Variants in MAP3K3 observed in about 807,000 individuals in gnomAD.
MAP3K3 encodes MAP/ERK kinase kinase 3.
Under a neutral mutation model 80.9 loss-of-function variants are expected in MAP3K3, and 12 were observed. That is an observed-to-expected ratio of 0.15 (90% CI 0.10 to 0.24). The LOEUF (loss-of-function observed/expected upper bound fraction) is 0.24, where lower values mean the gene tolerates loss of function less well. Ranked by LOEUF, MAP3K3 falls within the 10% of genes least tolerant of loss-of-function variation. The pLI, the probability that MAP3K3 is intolerant of heterozygous loss-of-function variation, is 1.00. For missense variants in MAP3K3, 596 were observed against 834.7 expected, an observed-to-expected ratio of 0.71 and a Z score of 3.52; for synonymous variants, 272 against 307.1, an observed-to-expected ratio of 0.89 and a Z score of 1.19.
chr17:63,649,923 G>GCTTCTTC (rs1474310404), intron 3 of MAP3K3, among the ~76,000 whole-genome samples: 4 of 152,068 alleles, frequency 2.6e-5, no homozygotes, highest in African/African-American at 9.7e-5. Context: ...GTGGCTTATT[G>GCTTCTTC]CTTCTTCCTC....
intron 2 of MAP3K3, among the ~76,000 whole-genome samples, chr17:63,638,275 G>T (rs904280858): frequency 6.6e-6 from 1 of 151,966 alleles, no homozygotes; most frequent in Non-Finnish European, 1.5e-5. Flanking sequence ...AATAAGGACT[G>T]CAATTCCAGA....
chr17:63,660,565 ATTC>A lies in MAP3K3; in HGVS notation c.381+2682_381+2684del, dbSNP rs113456141. Among the ~76,000 whole-genome samples the A allele has an allele frequency of 8.5e-3, 1,230 of 144,282 alleles. 17 individuals are homozygous for A. Among genetic ancestry groups the A allele is most frequent in the African/African-American group, 0.027 (1,050 of 38,926 alleles). The allele number at this position is 144,282 out of a possible 152,430, so 94.7% of individuals were successfully genotyped here. On this transcript the variant is annotated intron_variant, in intron 5 of 15. Transcript: ENST00000361733. ...TGTGCTATCTCTTTCTTCTCTTTGG[ATTC>A]TTCTTCTTCTTCTTCTTCTTCTTTT...
rs938773839 is a variant in MAP3K3 at position 63,647,234 on chromosome 17, C to T, written c.167+1160C>T. 2.0e-5 allele frequency among the ~76,000 whole-genome samples: 3 copies of T among 152,298 alleles called. No individual in the cohort carries two copies. The South Asian group carries it at 6.2e-4, about 32-fold the overall frequency. ...TCTGCAGAGCCAGGGTCCTTCTGCT[C>T]CTATGTGAGTTCCAGGCCTGGAGGG... is the stretch of plus-strand genomic sequence containing the variant. On this transcript the variant is annotated intron_variant, in intron 3 of 15. Transcript: ENST00000361733.
Position 63,685,506 on chromosome 17 carries a change from T to C in MAP3K3, c.637-11T>C. Reference sequence around the variant, plus strand: ...TGGGGGTGTGGCTTCATTGTTTGACTTGCCTTACAGATGCTGGATCCCCTG... The same window carrying C: ...TGGGGGTGTGGCTTCATTGTTTGACCTGCCTTACAGATGCTGGATCCCCTG... On this transcript the variant is annotated splice_polypyrimidine_tract_variant and intron_variant, in intron 7 of 15. Transcript: ENST00000361733. 1 of 1,613,066 alleles carries C rather than the reference T, an allele frequency of 6.2e-7. No individual in the cohort carries two copies. Among genetic ancestry groups the C allele is most frequent in the Non-Finnish European group, 8.5e-7 (1 of 1,179,042 alleles).
At chr17:63,670,895 A>C (rs1383964691) in intron 6 of MAP3K3, among the ~76,000 whole-genome samples, 1 of 152,194 alleles carries the variant, frequency 6.6e-6, no homozygotes, top group Non-Finnish European at 1.5e-5. Context: ...ACCCTGGTTA[A>C]GATTCTGATC....
intron 2 of MAP3K3, 139 bp downstream of exon 2, chr17:63,632,941 A>AAGT (rs1374065348): frequency 6.2e-6 from 7 of 1,136,662 alleles, no homozygotes; most frequent in Non-Finnish European, 8.7e-6. Flanking sequence ...GTTAAATGGG[A>AAGT]AGTAATACAT....
At chr17:63,646,139 T>C in intron 3 of MAP3K3, 65 bp downstream of exon 3, 1 of 1,408,492 alleles carries the variant, frequency 7.1e-7, no homozygotes, top group African/African-American at 1.4e-5. Context: ...AGCATTGAGT[T>C]CATGGAAGTC....
At chr17:63,670,757 G>A (rs999481556) in intron 6 of MAP3K3, among the ~76,000 whole-genome samples, 2 of 151,992 alleles carry the variant, frequency 1.3e-5, no homozygotes, top group African/African-American at 4.8e-5. Context: ...TGTTACAAGA[G>A]CAGAGACTTG....
At position 63,646,062 on chromosome 17, in the gene MAP3K3, A is replaced by G; in HGVS notation, c.155A>G (p.Asn52Ser). 1.2e-6 allele frequency: 2 copies of G among 1,614,106 alleles called. No individual in the cohort carries two copies. Among genetic ancestry groups the G allele is most frequent in the South Asian group, 2.2e-5 (2 of 91,078 alleles). ...GACGTCAGAATCAAGTTCGAGCACA[A>G]CGGGGAGAGGCGGTAAGTCTGCCTT... ...QSDVRIKFEH[N>S]GERRIIAFSR... Residue 52 changes from asparagine (N) to serine (S), a missense_variant, in exon 3 of 16, where the codon AAC becomes AGC. Asn to Ser is a conservative substitution (Grantham distance 46). Around this residue, in one of 2 missense-constraint regions of MAP3K3, gnomAD observed 232 missense variants for 245.8 expected, o/e 0.94. Transcript: ENST00000361733.
At chr17:63,640,950 C>G (rs2034429136) in intron 2 of MAP3K3, among the ~76,000 whole-genome samples, 1 of 152,152 alleles carries the variant, frequency 6.6e-6, no homozygotes, top group Non-Finnish European at 1.5e-5. Flanking sequence ...CAGACACCCC[C>G]CACTCCACTG....
At chr17:63,627,404 T>C in intron 1 of MAP3K3, among the ~76,000 whole-genome samples, 1 of 152,138 alleles carries the variant, frequency 6.6e-6, no homozygotes, top group East Asian at 1.9e-4. Flanking sequence ...AAGCACACTA[T>C]TACGCTACCT....
chr17:63,691,546 T>C lies in MAP3K3; in HGVS notation c.1345-187T>C, dbSNP rs555365937. 6.6e-6 allele frequency among the ~76,000 whole-genome samples: 1 copy of C among 152,274 alleles called. No individual in the cohort carries two copies. The highest frequency in any genetic ancestry group is 2.4e-5 in the African/African-American group (1 of 41,552). Reference sequence around the variant, plus strand: ...CCCTGCTCCTGGATTTGGGTGGCGCTCTGCTTGAGAAGGACTTGGGGTACT... The same window carrying C: ...CCCTGCTCCTGGATTTGGGTGGCGCCCTGCTTGAGAAGGACTTGGGGTACT... On this transcript the variant is annotated intron_variant, in intron 13 of 15. Transcript: ENST00000361733. This position sits in a 1 kb window ranked among gnomAD's most constrained non-coding sequence, Gnocchi z 4.8.
At position 63,692,472 on chromosome 17, in the gene MAP3K3, C is replaced by T; in HGVS notation, c.1652+53C>T. 2.6e-6 allele frequency: 4 copies of T among 1,532,198 alleles called. No homozygotes were observed. Among genetic ancestry groups the T allele is most frequent in the Non-Finnish European group, 3.5e-6 (4 of 1,138,756 alleles). 94.9% of individuals were successfully genotyped at this position (1,532,198 alleles called of 1,614,324 possible). Reference sequence around the variant, plus strand: ...TCTTCCACCCAGGCCATAGTGGCCCCCCATTAGAAACACACCCTGGGGACT... The same window carrying T: ...TCTTCCACCCAGGCCATAGTGGCCCTCCATTAGAAACACACCCTGGGGACT... On this transcript the variant is annotated intron_variant, in intron 15 of 15. Coordinates refer to ENST00000361733, the MANE Select transcript of MAP3K3 (RefSeq NM_002401.5). This position sits in a 1 kb window ranked among gnomAD's most constrained non-coding sequence, Gnocchi z 4.5.
chr17:63,652,594 G>A lies in MAP3K3; in HGVS notation c.205G>A (p.Val69Met). Reference sequence around the variant, plus strand: ...CAGCCGGCCTGTGAAATATGAAGATGTGGAGCACAAGGTGACAACAGTATT... The same window carrying A: ...CAGCCGGCCTGTGAAATATGAAGATATGGAGCACAAGGTGACAACAGTATT... ...AFSRPVKYEDVEHKVTTVFGQ... is the reference protein window; with the variant it reads ...AFSRPVKYEDMEHKVTTVFGQ... The change falls in exon 4 of 16, where the codon GTG becomes ATG. Residue 69 changes from valine (V) to methionine (M), a missense_variant. Physicochemically the swap from Val to Met is conservative, Grantham distance 21. This residue lies in a region of MAP3K3 where 232 missense variants were observed against 245.8 expected (regional missense o/e 0.94). Transcript: ENST00000361733. The A allele has an allele frequency of 6.2e-7, 1 of 1,614,042 alleles. No homozygotes were observed. Among genetic ancestry groups the A allele is most frequent in the Non-Finnish European group, 8.5e-7 (1 of 1,179,950 alleles).
In MAP3K3 at chr17:63,675,455, G is replaced by A. The variant is rs535230755; in HGVS notation, c.503-6311G>A. On this transcript the variant is annotated intron_variant, in intron 6 of 15. Transcript: ENST00000361733. ...GCATCAGCTTCCTGATTAGGGTTCT[G>A]CTATGAGAAGGGCTAGAATCTGAGA... Among the ~76,000 whole-genome samples, 6 of 152,310 alleles carry A rather than the reference G, an allele frequency of 3.9e-5. No homozygotes were observed. The South Asian group carries it at 1.0e-3, about 26-fold the overall frequency.
At chr17:63,623,474 C>T (rs895500633) in intron 1 of MAP3K3, among the ~76,000 whole-genome samples, 2 of 152,174 alleles carry the variant, frequency 1.3e-5, no homozygotes, top group South Asian at 2.1e-4. Context: ...TTTTTTCTTG[C>T]GGTATCCCTG....
chr17:63,627,424 C>G (rs1436360019), intron 1 of MAP3K3, among the ~76,000 whole-genome samples: 1 of 151,928 alleles, frequency 6.6e-6, no homozygotes, highest in Non-Finnish European at 1.5e-5. Flanking sequence ...TCAACTTGTT[C>G]ACGTGTAAAG....
intron 6 of MAP3K3, among the ~76,000 whole-genome samples, chr17:63,667,795 C>G (rs2035029325): frequency 6.6e-6 from 1 of 151,878 alleles, no homozygotes; most frequent in South Asian, 2.1e-4. Flanking sequence ...TTATAATTTT[C>G]CATATATTCT....
chr17:63,657,897 A>T lies in MAP3K3; in HGVS notation c.371A>T (p.Asp124Val), dbSNP rs1197113816. The change falls in exon 5 of 16, where the codon GAC becomes GTC. Residue 124 changes from aspartate to valine, a missense_variant. Asp to Val is a radical substitution (Grantham distance 152). Transcript: ENST00000361733. ...CTTAGGATATTGCTGTTGTCCCAGG[A>T]CAGAAACCATGTAAGTAGCCCTTGT... ...KSLRILLLSQ[D>V]RNHNSSSPHS... is the part of the protein sequence containing the mutation. 3 of 1,584,402 alleles carry T rather than the reference A, an allele frequency of 1.9e-6. No homozygotes were observed. The highest frequency in any genetic ancestry group is 2.6e-6 in the Non-Finnish European group (3 of 1,156,968).
Sources: gnomAD v4.1 joint callset for allele counts (sites outside exome capture counted in the v4.1 genomes callset) on GRCh38, gnomAD v4.1.1 for gene constraint, gnomAD v4.1.1 regional missense constraint, Gnocchi (gnomAD v3.1) non-coding constraint, MANE v1.5 for transcripts, NCBI Gene and HGNC (gene_info 2026-07-23, HGNC 2026-07-21) for gene names.